Variants in THSD1 observed in about 807,000 individuals in gnomAD.
The protein encoded by THSD1 is thrombospondin type-1 domain-containing protein 1.
In THSD1, 34 loss-of-function variants were observed where a neutral mutation model predicts 46.3. The ratio of observed to expected loss-of-function variants is 0.74; its 90% CI spans 0.56 to 0.98. THSD1 has a LOEUF of 0.98. THSD1 is among the 50% of genes least tolerant of loss of function. The pLI is 0.00. For synonymous variants in THSD1, 407 were observed against 416.5 expected, an observed-to-expected ratio of 0.98 and a Z score of 0.28; for missense variants, 1,023 against 1,058.3, an observed-to-expected ratio of 0.97 and a Z score of 0.46.
intron 4 of THSD1, among the ~76,000 whole-genome samples, chr13:52,379,607 T>C (rs1488011044): frequency 6.6e-6 from 1 of 152,142 alleles, no homozygotes; most frequent in Non-Finnish European, 1.5e-5. Flanking sequence ...CCTGAGTAGC[T>C]GGAACTATAG....
rs74774785 is a variant in THSD1 at position 52,404,312 on chromosome 13, G to C, written c.-81-1631C>G. ...ATACATGTTACATCTTTTCAGATAAGAGCACAAATTAGTGGAATTAAGAAG... is the reference window on the plus strand; with the variant it reads ...ATACATGTTACATCTTTTCAGATAACAGCACAAATTAGTGGAATTAAGAAG... On this transcript the variant is annotated intron_variant, in intron 1 of 4. Coordinates refer to ENST00000258613, the MANE Select transcript of THSD1 (RefSeq NM_018676.4). 6.5e-3 allele frequency among the ~76,000 whole-genome samples: 994 copies of C among 152,226 alleles called. 4 individuals are homozygous for C. The highest frequency in any genetic ancestry group is 0.016 in the African/African-American group (674 of 41,514).
chr13:52,405,554 G>A (rs1175705963), intron 1 of THSD1, among the ~76,000 whole-genome samples: 2 of 152,108 alleles, frequency 1.3e-5, no homozygotes, highest in African/African-American at 2.4e-5. Context: ...TTCCTGGGAC[G>A]CCCTGGCTCG....
intron 2 of THSD1, among the ~76,000 whole-genome samples, chr13:52,400,577 C>T (rs1033336873): frequency 1.3e-5 from 2 of 151,824 alleles, no homozygotes; most frequent in South Asian, 2.1e-4. Flanking sequence ...CAACCCGGGC[C>T]GACAACAGCG....
At chr13:52,392,211 A>AAAG (rs56879281) in intron 3 of THSD1, among the ~76,000 whole-genome samples, 66 of 149,972 alleles carry the variant, frequency 4.4e-4, no homozygotes, top group Non-Finnish European at 7.1e-4. Context: ...AAAAAAAAAA[A>AAAG]GTAAAATCAT....
intron 3 of THSD1, among the ~76,000 whole-genome samples, chr13:52,388,742 A>G (rs1251979176): frequency 6.6e-6 from 1 of 152,096 alleles, no homozygotes; most frequent in Non-Finnish European, 1.5e-5. Flanking sequence ...CGGCCTCCCA[A>G]AGTGCTGGGA....
chr13:52,397,419 GGCCTCCTT>G lies in THSD1; in HGVS notation c.826_833del (p.Lys276ProfsTer13). 6.2e-7 allele frequency: 1 copy of G among 1,614,052 alleles called. No individual in the cohort carries two copies. Among genetic ancestry groups the G allele is most frequent in the East Asian group, 2.2e-5 (1 of 44,864 alleles). ...TGGTCCTCTTCCCAGGGTATCTGGG[GGCCTCCTT>G]GAAGACAGTGACCACTCCTTGGACG... On this transcript the variant is annotated frameshift_variant, in exon 3 of 5. Coordinates refer to ENST00000258613, the MANE Select transcript of THSD1 (RefSeq NM_018676.4). LOFTEE classifies it high-confidence loss of function.
In THSD1 at chr13:52,377,333, G is replaced by A. The variant is rs2137718857; in HGVS notation, c.*78C>T. The stretch of plus-strand genomic sequence containing the variant: ...ACTTCCTCCTCACATTCTGTCCTAC[G>A]GTACAAATAGTTACACAAAAGTCTA... On this transcript the variant is annotated 3_prime_UTR_variant, in exon 5 of 5. Transcript: ENST00000258613. 6.9e-6 allele frequency: 10 copies of A among 1,439,108 alleles called. No individual in the cohort carries two copies. In the South Asian group the frequency reaches 7.8e-5, roughly 11 times the overall value. 89.1% of individuals were successfully genotyped at this position (1,439,108 alleles called of 1,614,324 possible).
rs1215109312 is a variant in THSD1, at chr13:52,377,681, C to T, written c.2289G>A (p.Pro763=). 10 of 1,608,756 alleles carry T rather than the reference C, an allele frequency of 6.2e-6. No homozygotes were observed. The highest frequency in any genetic ancestry group is 8.5e-6 in the Non-Finnish European group (10 of 1,176,192). The part of the protein sequence containing the change: ...RTEPHRARRG[P]SPSHKSVSRK... The stretch of plus-strand genomic sequence containing the variant: ...TTGAGACACTCTTGTGACTGGGGGA[C>T]GGTCCCCGACGAGCTCTGTGGGGCT... Residue 763 remains proline (P), a synonymous_variant, in exon 5 of 5, where the codon CCG becomes CCA. Transcript: ENST00000258613.
chr13:52,377,889 C>A lies in THSD1; in HGVS notation c.2081G>T (p.Arg694Ile), dbSNP rs73484102. The A allele has an allele frequency of 4.6e-3, 7,467 of 1,614,214 alleles. 103 individuals carry two copies. The highest frequency in any genetic ancestry group is 0.04 in the African/African-American group (3,037 of 75,048). ...GGCACCTCGACTCTGAGGCCTAAATCTGTCCTCTGCCTGCTCGCAGGTCCG... is the reference window on the plus strand; with the variant it reads ...GGCACCTCGACTCTGAGGCCTAAATATGTCCTCTGCCTGCTCGCAGGTCCG... ...RTRTCEQAED[R>I]FRPQSRGAHL... Residue 694 changes from arginine to isoleucine, a missense_variant, in exon 5 of 5, where the codon AGA becomes ATA. Coordinates refer to ENST00000258613, the MANE Select transcript of THSD1 (RefSeq NM_018676.4).
intron 4 of THSD1, chr13:52,384,370 T>A (rs1483276294): frequency 2.2e-6 from 1 of 455,866 alleles, no homozygotes; most frequent in African/African-American, 2.0e-5. Flanking sequence ...CCCTACTTTC[T>A]AGCTTCATGA....
chr13:52,378,479 G>A lies in THSD1; in HGVS notation c.1491C>T (p.Thr497=). 6.2e-7 allele frequency: 1 copy of A among 1,614,192 alleles called. No individual in the cohort carries two copies. Among genetic ancestry groups the A allele is most frequent in the Non-Finnish European group, 8.5e-7 (1 of 1,180,044 alleles). The change falls in exon 5 of 5, where the codon ACC becomes ACT. Residue 497 remains threonine, a synonymous_variant. Coordinates refer to ENST00000258613, the MANE Select transcript of THSD1 (RefSeq NM_018676.4). ...GSPGDTGIPL[T]YRRSGPVPPE... Reference sequence around the variant, plus strand: ...GAGGTACCGGCCCGCTCCGCCTGTAGGTCAGAGGGATGCCTGTGTCCCCTG... The same window carrying A: ...GAGGTACCGGCCCGCTCCGCCTGTAAGTCAGAGGGATGCCTGTGTCCCCTG...
intron 3 of THSD1, among the ~76,000 whole-genome samples, chr13:52,393,131 A>G (rs914477834): frequency 1.3e-5 from 2 of 152,172 alleles, no homozygotes; most frequent in Non-Finnish European, 2.9e-5. Flanking sequence ...TGACCCTTCT[A>G]TTTAAACACC....
chr13:52,382,938 G>T (rs1251370536), intron 4 of THSD1, among the ~76,000 whole-genome samples: 1 of 151,800 alleles, frequency 6.6e-6, no homozygotes, highest in Non-Finnish European at 1.5e-5. Context: ...GGAGGCGGAG[G>T]TTGCAGTGGT....
chr13:52,397,795 T>C lies in THSD1; in HGVS notation c.458A>G (p.Gln153Arg). The part of the protein sequence containing the change: ...GTFQVGLFTS[Q>R]PLCPFPVDKP... ...GTCCACAGGAAACGGGCACAGTGGT[T>C]GACTGGTAAATAGGCCCACTTGGAA... is the stretch of plus-strand genomic sequence containing the variant. The change falls in exon 3 of 5, where the codon CAA (glutamine) becomes CGA (arginine). Residue 153 changes from glutamine to arginine, a missense_variant. Coordinates refer to ENST00000258613, the MANE Select transcript of THSD1 (RefSeq NM_018676.4). 2 of 1,614,248 alleles carry C rather than the reference T, an allele frequency of 1.2e-6. No individual in the cohort carries two copies. The highest frequency in any genetic ancestry group is 1.7e-6 in the Non-Finnish European group (2 of 1,180,044).
intron 3 of THSD1, among the ~76,000 whole-genome samples, chr13:52,389,874 C>T (rs188850420): frequency 1.6e-3 from 242 of 152,130 alleles, no homozygotes; most frequent in Admixed American, 4.2e-3. Flanking sequence ...CATGGTGGTG[C>T]GCTCCTGTAA....
rs1191796337 is a variant in THSD1, at chr13:52,397,297, A to G, written c.956T>C (p.Phe319Ser). The change falls in exon 3 of 5, where the codon TTT becomes TCT. Residue 319 changes from phenylalanine to serine, a missense_variant. By Grantham distance (155) the Phe-to-Ser change is radical. This residue lies in a region of THSD1 where 429 missense variants were observed against 518.3 expected (regional missense o/e 0.83). Coordinates refer to ENST00000258613, the MANE Select transcript of THSD1 (RefSeq NM_018676.4). ...AAAATGGCTTCTGCTTGAAATGCCA[A>G]AGTCAAAGCAGTACTTATTCTTCCC... Reference protein sequence around the residue: ...DMGKNKYCFDFGISSRSHFSA... With the variant: ...DMGKNKYCFDSGISSRSHFSA... 1 of 1,613,208 alleles carries G rather than the reference A, an allele frequency of 6.2e-7. No homozygotes were observed. The highest frequency in any genetic ancestry group is 1.3e-5 in the African/African-American group (1 of 74,880).
Position 52,397,959 on chromosome 13 carries a change from G to A in THSD1, c.294C>T (p.Asp98=). 6.2e-7 allele frequency: 1 copy of A among 1,614,244 alleles called. No homozygotes were observed. The highest frequency in any genetic ancestry group is 8.5e-7 in the Non-Finnish European group (1 of 1,180,050). The change falls in exon 3 of 5, where the codon GAC becomes GAT. Residue 98 remains aspartate, a synonymous_variant. Transcript: ENST00000258613. ...FECFYFKEAG[D]YWFTMTPEAT... ...CTTCTGGAGTCATTGTGAACCAGTA[G>A]TCACCAGCCTCCTTGAAATAGAAGC...
chr13:52,377,589 T>G lies in THSD1; in HGVS notation c.2381A>C (p.Gln794Pro). 6.2e-7 allele frequency: 1 copy of G among 1,602,310 alleles called. No homozygotes were observed. Residue 794 changes from glutamine (Q) to proline (P), a missense_variant, in exon 5 of 5, where the codon CAG becomes CCG. Transcript: ENST00000258613. ...YQRVSSLSPS[Q>P]CRKDKCQSFP... ...GCTTTGACACTTGTCTTTTCTACAC[T>G]GAGAAGGGCTCAGAGAACTGACCCT... is the stretch of plus-strand genomic sequence containing the variant.
At chr13:52,389,804 C>T (rs185296347) in intron 3 of THSD1, among the ~76,000 whole-genome samples, 22 of 152,054 alleles carry the variant, frequency 1.4e-4, no homozygotes, top group Admixed American at 2.6e-4. Flanking sequence ...CAAGCAGATA[C>T]GTAATCACTG....
Sources: gnomAD v4.1 joint callset for allele counts (sites outside exome capture counted in the v4.1 genomes callset) on GRCh38, gnomAD v4.1.1 for gene constraint, gnomAD v4.1.1 regional missense constraint, MANE v1.5 for transcripts, NCBI Gene and HGNC (gene_info 2026-07-23, HGNC 2026-07-21) for gene names.